The following PARD3B variants were observed in gnomAD, a reference collection of about 807,000 sequenced individuals.
PARD3B encodes the protein partitioning defective 3 homolog B.
A neutral mutation model predicts 130.2 loss-of-function variants in PARD3B; 103 were observed. That is an observed-to-expected ratio of 0.79 (90% CI 0.67 to 0.93). The LOEUF (loss-of-function observed/expected upper bound fraction) is 0.93. Among genes scored for constraint, PARD3B ranks in the 40% least tolerant of loss-of-function variants. PARD3B has a pLI of 0.00. For missense variants in PARD3B, 1,609 were observed against 1,499.2 expected (o/e 1.07, Z -1.21); for synonymous variants, 583 against 553.2 (o/e 1.05, Z -0.76).
intron 7 of PARD3B, among the ~76,000 whole-genome samples, chr2:205,120,770 G>A (rs1432074904): frequency 6.6e-6 from 1 of 152,178 alleles, no homozygotes; most frequent in Non-Finnish European, 1.5e-5. Context: ...AGAAACAGGA[G>A]AACAATAAAA....
rs1336478064 is a variant in PARD3B at position 205,183,568 on chromosome 2, C to A, written c.1925-2196C>A. On this transcript the variant is annotated intron_variant, in intron 13 of 22. Coordinates refer to ENST00000406610, the MANE Select transcript of PARD3B (RefSeq NM_001302769.2). The surrounding 1 kb of genome is among the most constrained non-coding windows in gnomAD (Gnocchi z 5.2). Reference sequence around the variant, plus strand: ...GCAGGCGCTGCCTTTGTGCTTCTTTCCCCCTGGTCACCTACTTAGCAGGTC... The same window carrying A: ...GCAGGCGCTGCCTTTGTGCTTCTTTACCCCTGGTCACCTACTTAGCAGGTC... 6.6e-6 allele frequency among the ~76,000 whole-genome samples: 1 copy of A among 152,098 alleles called. No individual in the cohort carries two copies. The highest frequency in any genetic ancestry group is 2.1e-4 in the South Asian group (1 of 4,822).
intron 2 of PARD3B, among the ~76,000 whole-genome samples, chr2:204,891,971 T>C (rs1216920318): frequency 6.6e-6 from 1 of 152,226 alleles, no homozygotes; most frequent in African/African-American, 2.4e-5. Context: ...ATGCTTAGCA[T>C]TGATTATTCA....
intron 10 of PARD3B, among the ~76,000 whole-genome samples, chr2:205,144,105 A>G (rs989516498): frequency 2.6e-5 from 4 of 152,218 alleles, no homozygotes; most frequent in Non-Finnish European, 4.4e-5. Context: ...GGACTTGGCC[A>G]TGCGAATTCA....
Position 205,423,272 on chromosome 2 carries a change from A to G in PARD3B, c.2742-17098A>G, listed in dbSNP as rs548788433. ...GTAGAGGGAGGAAGACCAGATGATG[A>G]GGATGCTCACCTCAGGCTTGGACCC... On this transcript the variant is annotated intron_variant, in intron 19 of 22. Coordinates refer to ENST00000406610, the MANE Select transcript of PARD3B (RefSeq NM_001302769.2). 2.5e-3 allele frequency among the ~76,000 whole-genome samples: 379 copies of G among 152,304 alleles called. 2 individuals are homozygous for G. The highest frequency in any genetic ancestry group is 7.7e-3 in the African/African-American group (321 of 41,572).
chr2:204,740,180 CTT>C (rs547815624), intron 2 of PARD3B, among the ~76,000 whole-genome samples: 3 of 142,820 alleles, frequency 2.1e-5, no homozygotes, highest in African/African-American at 2.6e-5. Context: ...CCTGGCTAAT[CTT>C]TTTTTTTTTT....
chr2:205,524,919 G>A (rs1265477778), intron 21 of PARD3B, among the ~76,000 whole-genome samples: 3 of 152,050 alleles, frequency 2.0e-5, no homozygotes, highest in Non-Finnish European at 4.4e-5. Context: ...TTTTATATGC[G>A]GTTGGTCATT....
Position 205,274,413 on chromosome 2 carries a change from T to C in PARD3B, c.2186-26117T>C, listed in dbSNP as rs952488353. On this transcript the variant is annotated intron_variant, in intron 16 of 22. Transcript: ENST00000406610. This position sits in a 1 kb window ranked among gnomAD's most constrained non-coding sequence, Gnocchi z 4.2. The stretch of plus-strand genomic sequence containing the variant: ...GTGCTTTTAGTAACTTATATTGCAG[T>C]GACTTTAATATTACTGAGGAAGAAA... Among the ~76,000 whole-genome samples the C allele has an allele frequency of 6.6e-6, 1 of 152,100 alleles. No individual in the cohort carries two copies. The highest frequency in any genetic ancestry group is 1.5e-5 in the Non-Finnish European group (1 of 67,986).
chr2:205,172,142 C>T, intron 11 of PARD3B, 69 bp from the exon 12 acceptor site: 1 of 1,436,698 alleles, frequency 7.0e-7, no homozygotes, highest in Non-Finnish European at 9.4e-7. Context: ...TTGAACTTTT[C>T]CCCAAAACGC....
At position 204,926,532 on chromosome 2, in the gene PARD3B, CAGCTAGA is replaced by C. The variant is rs1294209055; in HGVS notation, c.223-38616_223-38610del. Among the ~76,000 whole-genome samples the C allele has an allele frequency of 5.3e-5, 8 of 152,102 alleles. No individual in the cohort carries two copies. In the East Asian group the frequency reaches 1.5e-3, roughly 29 times the overall value. Reference sequence around the variant, plus strand: ...TTAATGAAACTGCAAGGGGACTACACAGCTAGAAGCCCCAGCGCAGTACTATGCCATG... The same window carrying C: ...TTAATGAAACTGCAAGGGGACTACACAGCCCCAGCGCAGTACTATGCCATG... On this transcript the variant is annotated intron_variant, in intron 2 of 22. Transcript: ENST00000406610.
At chr2:205,597,976 A>C (rs1379906046) in intron 22 of PARD3B, among the ~76,000 whole-genome samples, 2 of 152,184 alleles carry the variant, frequency 1.3e-5, no homozygotes, top group Non-Finnish European at 2.9e-5. Flanking sequence ...TTAAACATGG[A>C]AACAAAAGAA....
intron 15 of PARD3B, among the ~76,000 whole-genome samples, chr2:205,223,895 C>G (rs2038374339): frequency 1.3e-5 from 2 of 152,054 alleles, no homozygotes; most frequent in South Asian, 4.2e-4. Flanking sequence ...GTGTCCATCA[C>G]ATCAAGCATT....
At chr2:205,539,480 C>T (rs2052023590) in intron 21 of PARD3B, among the ~76,000 whole-genome samples, 1 of 152,074 alleles carries the variant, frequency 6.6e-6, no homozygotes, top group African/African-American at 2.4e-5. Flanking sequence ...TGTGCACAGC[C>T]CCTCCAAGGC....
intron 19 of PARD3B, among the ~76,000 whole-genome samples, chr2:205,401,834 A>G (rs941888780): frequency 6.6e-6 from 1 of 152,210 alleles, no homozygotes; most frequent in African/African-American, 2.4e-5. Flanking sequence ...TGCCTTCACA[A>G]CTAAATGGAG....
At chr2:205,075,424 A>G (rs1157240947) in intron 4 of PARD3B, among the ~76,000 whole-genome samples, 1 of 152,082 alleles carries the variant, frequency 6.6e-6, no homozygotes, top group East Asian at 1.9e-4. Context: ...TTTACAATTA[A>G]TATATAGAAA....
rs200521284 is a variant in PARD3B at position 205,421,141 on chromosome 2, A to AAC, written c.2742-19228_2742-19227insCA. ...CAAGACTCCATCTCAAAAAACAAAAAAAACAAAACAAAAAAAACGGAAAAG... is the reference window on the plus strand; with the variant it reads ...CAAGACTCCATCTCAAAAAACAAAAAACAAACAAAACAAAAAAAACGGAAAAG... On this transcript the variant is annotated intron_variant, in intron 19 of 22. Coordinates refer to ENST00000406610, the MANE Select transcript of PARD3B (RefSeq NM_001302769.2). This position sits in a 1 kb window ranked among gnomAD's most constrained non-coding sequence, Gnocchi z 5.1. Among the ~76,000 whole-genome samples the AAC allele has an allele frequency of 2.5e-3, 374 of 152,200 alleles. 7 individuals carry two copies. Among genetic ancestry groups the AAC allele is most frequent in the African/African-American group, 8.6e-3 (358 of 41,536 alleles).
At position 204,749,661 on chromosome 2, in the gene PARD3B, G is replaced by A. The variant is rs185964727; in HGVS notation, c.222+63379G>A. ...TATATTTCTCCTTGGTTCTCGATAC[G>A]GTTTAAAAGCTAACCTGAACAACTC... is the stretch of plus-strand genomic sequence containing the variant. On this transcript the variant is annotated intron_variant, in intron 2 of 22. Coordinates refer to ENST00000406610, the MANE Select transcript of PARD3B (RefSeq NM_001302769.2). Among the ~76,000 whole-genome samples the A allele has an allele frequency of 2.0e-4, 31 of 152,138 alleles. 1 individual carries two copies. Among genetic ancestry groups the A allele is most frequent in the Admixed American group, 1.0e-3 (16 of 15,282 alleles).
chr2:205,289,173 G>A (rs186859087), intron 16 of PARD3B, among the ~76,000 whole-genome samples: 17 of 152,244 alleles, frequency 1.1e-4, no homozygotes, highest in Admixed American at 6.5e-4. Context: ...AGAAGTAAAG[G>A]AGATAGAAGA....
At chr2:204,594,277 C>G (rs1343908183) in intron 1 of PARD3B, among the ~76,000 whole-genome samples, 1 of 152,138 alleles carries the variant, frequency 6.6e-6, no homozygotes, top group Non-Finnish European at 1.5e-5. Flanking sequence ...TAACATCTAT[C>G]TATAAAAGCA....
Position 205,122,023 on chromosome 2 carries a change from G to A in PARD3B, c.1165+74G>A. ...AATTGGTTAAGAGAAATGCATTAAG[G>A]CTAATTTAGTTAATTCTCCCTTCAT... On this transcript the variant is annotated intron_variant, in intron 8 of 22. Coordinates refer to ENST00000406610, the MANE Select transcript of PARD3B (RefSeq NM_001302769.2). This position sits in a 1 kb window ranked among gnomAD's most constrained non-coding sequence, Gnocchi z 4.3. 3.2e-6 allele frequency: 4 copies of A among 1,264,056 alleles called. No homozygotes were observed. The highest frequency in any genetic ancestry group is 4.3e-6 in the Non-Finnish European group (4 of 920,464). 78.3% of individuals were successfully genotyped at this position (1,264,056 alleles called of 1,614,324 possible).
Sources: allele counts gnomAD v4.1 joint callset (sites outside exome capture counted in the v4.1 genomes callset), GRCh38; gene constraint gnomAD v4.1.1; non-coding constraint Gnocchi (gnomAD v3.1); transcripts MANE v1.5; gene names NCBI Gene and HGNC (gene_info 2026-07-23, HGNC 2026-07-21).